Variants in DENND6A observed in about 807,000 individuals in gnomAD.
The protein encoded by DENND6A is protein DENND6A.
In DENND6A, 43 loss-of-function variants were observed where a neutral mutation model predicts 95.5. The observed-to-expected ratio is 0.45, with a 90% CI of 0.35 to 0.58. The LOEUF is 0.58. DENND6A is among the 20% of genes least tolerant of loss of function. The probability of loss-of-function intolerance (pLI) is 0.00; values close to 1 mark genes in which losing one functional copy is unlikely to be tolerated. For missense variants in DENND6A, 574 were observed against 736.0 expected, an observed-to-expected ratio of 0.78 and a Z score of 2.55; for synonymous variants, 257 against 260.4, an observed-to-expected ratio of 0.99 and a Z score of 0.13.
At chr3:57,677,800 C>T (rs1559829679) in intron 1 of DENND6A, among the ~76,000 whole-genome samples, 1 of 152,114 alleles carries the variant, frequency 6.6e-6, no homozygotes. Context: ...ACTACTGTAT[C>T]TTAATTCATT....
intron 9 of DENND6A, among the ~76,000 whole-genome samples, chr3:57,650,956 G>C (rs1360936890): frequency 6.6e-6 from 1 of 152,036 alleles, no homozygotes; most frequent in Non-Finnish European, 1.5e-5. Context: ...GGCTAGTTTT[G>C]TATTTTTAGT....
At chr3:57,662,273 C>T (rs2071438282) in intron 5 of DENND6A, among the ~76,000 whole-genome samples, 2 of 142,256 alleles carry the variant, frequency 1.4e-5, no homozygotes, top group South Asian at 4.6e-4. Flanking sequence ...TCACTGCTGC[C>T]TCAACCTCAT....
intron 9 of DENND6A, among the ~76,000 whole-genome samples, chr3:57,655,524 T>G (rs1255409658): frequency 1.3e-5 from 2 of 152,188 alleles, no homozygotes; most frequent in Non-Finnish European, 2.9e-5. Context: ...GTTTTGAGCA[T>G]TGACATGATG....
intron 6 of DENND6A, 40 bp from the exon 7 acceptor site, chr3:57,660,879 A>C: frequency 6.6e-7 from 1 of 1,509,256 alleles, no homozygotes. Flanking sequence ...AATAAGTGAA[A>C]ATATCAAAGT....
chr3:57,683,615 T>C (rs1354729527), intron 1 of DENND6A, among the ~76,000 whole-genome samples: 2 of 152,190 alleles, frequency 1.3e-5, no homozygotes, highest in African/African-American at 2.4e-5. Context: ...TGGGTACTAT[T>C]ATTACACTGA....
chr3:57,677,293 C>T (rs1046447658), intron 1 of DENND6A, among the ~76,000 whole-genome samples: 1 of 152,074 alleles, frequency 6.6e-6, no homozygotes, highest in Non-Finnish European at 1.5e-5. Flanking sequence ...GGACAGAAAC[C>T]AAGTCCTTAC....
intron 9 of DENND6A, 49 bp from the exon 10 acceptor site, chr3:57,646,487 T>C: frequency 6.5e-7 from 1 of 1,547,760 alleles, no homozygotes; most frequent in South Asian, 1.2e-5. Context: ...GCCAATCCTG[T>C]TTTTAAAATT....
chr3:57,630,487 A>C lies in DENND6A; in HGVS notation c.1554T>G (p.Phe518Leu), dbSNP rs746455028. The change falls in exon 18 of 20, where the codon TTT (phenylalanine) becomes TTG (leucine). Residue 518 changes from phenylalanine (F) to leucine (L), a missense_variant. Physicochemically the swap from Phe to Leu is conservative, Grantham distance 22 (BLOSUM62 0). Transcript: ENST00000311128. The stretch of plus-strand genomic sequence containing the variant: ...GGGTCATTTCCTTCCTCCGGGTCTT[A>C]AACCAGCCATCAAAATTTGGAGACT... Reference protein sequence around the residue: ...FLKSPNFDGWFKTRRKEMTQK... With the variant: ...FLKSPNFDGWLKTRRKEMTQK... The C allele has an allele frequency of 3.8e-6, 6 of 1,592,338 alleles. No individual in the cohort carries two copies. Among genetic ancestry groups the C allele is most frequent in the South Asian group, 1.2e-5 (1 of 85,832 alleles).
Position 57,659,114 on chromosome 3 carries a change from C to T in DENND6A, c.762+4G>A, listed in dbSNP as rs1357638754. The T allele has an allele frequency of 6.2e-7, 1 of 1,613,986 alleles. No homozygotes were observed. The highest frequency in any genetic ancestry group is 1.1e-5 in the South Asian group (1 of 91,078). Reference sequence around the variant, plus strand: ...TGGATCATTCTACCATAGTACCACACTACCTGCTGAGTTAACTGCACTATT... The same window carrying T: ...TGGATCATTCTACCATAGTACCACATTACCTGCTGAGTTAACTGCACTATT... On this transcript the variant is annotated splice_donor_region_variant and intron_variant, in intron 8 of 19. Coordinates refer to ENST00000311128, the MANE Select transcript of DENND6A (RefSeq NM_152678.3).
chr3:57,649,175 C>G (rs1325967900), intron 9 of DENND6A, among the ~76,000 whole-genome samples: 4 of 151,998 alleles, frequency 2.6e-5, no homozygotes, highest in African/African-American at 9.7e-5. Flanking sequence ...AATAAACAAT[C>G]CCATCAAAAA....
At chr3:57,684,843 C>T (rs1168756920) in intron 1 of DENND6A, among the ~76,000 whole-genome samples, 2 of 152,092 alleles carry the variant, frequency 1.3e-5, no homozygotes, top group African/African-American at 4.8e-5. Context: ...ATGGCTCATG[C>T]CTGGGATCTC....
intron 4 of DENND6A, among the ~76,000 whole-genome samples, chr3:57,665,759 C>A (rs983061221): frequency 6.6e-6 from 1 of 151,898 alleles, no homozygotes; most frequent in Non-Finnish European, 1.5e-5. Context: ...ATTCAAAAAT[C>A]AAAAAGAGAC....
Position 57,692,861 on chromosome 3 carries a change from A to C in DENND6A, c.158T>G (p.Leu53Arg). 2 of 1,585,724 alleles carry C rather than the reference A, an allele frequency of 1.3e-6. No homozygotes were observed. Among genetic ancestry groups the C allele is most frequent in the Middle Eastern group, 3.4e-4 (2 of 5,960 alleles). Residue 53 changes from leucine (L) to arginine (R), a missense_variant, in exon 1 of 20, where the codon CTG becomes CGG. Transcript: ENST00000311128. ...EEDDGRGRGL[L>R]RWDSFSAWLH... The stretch of plus-strand genomic sequence containing the variant: ...CCAGGCGGAGAAGCTGTCCCAGCGC[A>C]GCAGGCCCCGGCCACGGCCATCGTC...
Position 57,630,504 on chromosome 3 carries a change from T to G in DENND6A, c.1537A>C (p.Asn513His). ...CGGGTCTTAAACCAGCCATCAAAAT[T>G]TGGAGACTTTAGGAAATGCCTATAA... ...GLYRHFLKSP[N>H]FDGWFKTRRK... Residue 513 changes from asparagine (N) to histidine (H), a missense_variant, in exon 18 of 20, where the codon AAT (asparagine) becomes CAT (histidine). Asn to His is a moderately conservative substitution (Grantham distance 68). Coordinates refer to ENST00000311128, the MANE Select transcript of DENND6A (RefSeq NM_152678.3). 6.3e-7 allele frequency: 1 copy of G among 1,589,356 alleles called. No individual in the cohort carries two copies. Among genetic ancestry groups the G allele is most frequent in the South Asian group, 1.2e-5 (1 of 85,266 alleles).
At chr3:57,660,932 C>G (rs2071412099) in intron 6 of DENND6A, 93 bp from the exon 7 acceptor site, 1 of 1,117,170 alleles carries the variant, frequency 9.0e-7, no homozygotes, top group African/African-American at 1.6e-5. Context: ...ACTTTCCATA[C>G]AGCAGAAAAA....
intron 15 of DENND6A, chr3:57,631,311 C>CT (rs540898595): frequency 1.1e-3 from 226 of 199,908 alleles, no homozygotes; most frequent in African/African-American, 5.1e-3. Flanking sequence ...ATTCTCCCGC[C>CT]TCAGTCTCCC....
At chr3:57,674,142 G>A (rs904554702) in intron 1 of DENND6A, among the ~76,000 whole-genome samples, 8 of 151,986 alleles carry the variant, frequency 5.3e-5, no homozygotes, top group African/African-American at 1.7e-4. Flanking sequence ...CAGCACTTTG[G>A]GAGGCTGAGG....
At chr3:57,677,676 T>C (rs944644565) in intron 1 of DENND6A, among the ~76,000 whole-genome samples, 1 of 152,072 alleles carries the variant, frequency 6.6e-6, no homozygotes, top group African/African-American at 2.4e-5. Flanking sequence ...CCTCAAATGA[T>C]CCTCCTGCCT....
chr3:57,633,058 C>G (rs938703165), intron 15 of DENND6A, among the ~76,000 whole-genome samples: 6 of 152,074 alleles, frequency 3.9e-5, no homozygotes, highest in Non-Finnish European at 7.4e-5. Context: ...AATTGAGGGT[C>G]AGAGAGAGGG....
Sources: allele counts gnomAD v4.1 joint callset (sites outside exome capture counted in the v4.1 genomes callset), GRCh38; gene constraint gnomAD v4.1.1; transcripts MANE v1.5; gene names NCBI Gene and HGNC (gene_info 2026-07-23, HGNC 2026-07-21).